MAST4: variants seen among roughly 807,000 people sequenced by gnomAD.
MAST4 encodes the protein microtubule associated serine/threonine kinase family member 4, also known as microtubule-associated serine/threonine-protein kinase 4.
Under a neutral mutation model 162.7 loss-of-function variants are expected in MAST4, and 89 were observed. The ratio of observed to expected loss-of-function variants is 0.55; its 90% CI spans 0.46 to 0.65. MAST4 has a LOEUF of 0.65. Among genes scored for constraint, MAST4 ranks in the 30% least tolerant of loss-of-function variants. The pLI is 0.00. For synonymous variants in MAST4, 1,479 were observed against 1,361.1 expected (o/e 1.09, Z -1.91); for missense variants, 3,153 against 3,374.0 (o/e 0.93, Z 1.62).
chr5:67,083,608 T>G (rs1762906730), intron 5 of MAST4, among the ~76,000 whole-genome samples: 1 of 152,180 alleles, frequency 6.6e-6, no homozygotes, highest in Non-Finnish European at 1.5e-5. Context: ...ATTAAATCCC[T>G]TCATGTAAGA....
chr5:66,779,333 T>C (rs181501173), intron 2 of MAST4, among the ~76,000 whole-genome samples: 11 of 152,252 alleles, frequency 7.2e-5, no homozygotes, highest in African/African-American at 2.6e-4. Context: ...AGTGATGTCT[T>C]TGAGCACTTA....
chr5:66,762,317 A>G (rs559419009), intron 2 of MAST4, among the ~76,000 whole-genome samples: 2 of 152,330 alleles, frequency 1.3e-5, no homozygotes, highest in East Asian at 1.9e-4. Flanking sequence ...TGAAAATTAT[A>G]TTAGAATATG....
intron 4 of MAST4, among the ~76,000 whole-genome samples, chr5:67,035,860 T>C (rs1755959524): frequency 2.6e-5 from 4 of 152,158 alleles, no homozygotes; most frequent in Admixed American, 1.3e-4. Context: ...AAATCGTGTC[T>C]AGGGTACTTA....
At position 66,651,393 on chromosome 5, in the gene MAST4, A is replaced by G. The variant is rs527533486; in HGVS notation, c.363+54375A>G. 3.3e-5 allele frequency among the ~76,000 whole-genome samples: 5 copies of G among 152,020 alleles called. No homozygotes were observed. The South Asian group carries it at 8.3e-4, about 25-fold the overall frequency. ...CCTGAGGACCTTCGTCTGATATTAT[A>G]TACTCAGTCTTTTTCTCCCATGTGT... On this transcript the variant is annotated intron_variant, in intron 1 of 28. Transcript: ENST00000403625.
intron 14 of MAST4, among the ~76,000 whole-genome samples, chr5:67,123,209 A>C (rs912663253): frequency 6.6e-6 from 1 of 152,162 alleles, no homozygotes; most frequent in Non-Finnish European, 1.5e-5. Context: ...AGAGACACCA[A>C]TTCCATGACT....
chr5:67,101,522 T>C (rs955586556), intron 8 of MAST4, among the ~76,000 whole-genome samples: 3 of 152,312 alleles, frequency 2.0e-5, no homozygotes, highest in African/African-American at 7.2e-5. Flanking sequence ...GGATAGGGCA[T>C]CACTTATCCG....
chr5:66,705,060 A>G (rs1346000884), intron 1 of MAST4, among the ~76,000 whole-genome samples: 5 of 152,162 alleles, frequency 3.3e-5, no homozygotes, highest in Non-Finnish European at 5.9e-5. Flanking sequence ...ACAGTCATCC[A>G]TAGTTCCTCT....
At chr5:66,815,498 A>G (rs1177767643) in intron 3 of MAST4, among the ~76,000 whole-genome samples, 2 of 152,218 alleles carry the variant, frequency 1.3e-5, no homozygotes, top group South Asian at 2.1e-4. Context: ...AAAAAACAGT[A>G]TATATGGGGC....
In MAST4 at chr5:67,131,802, C is replaced by A. The variant is rs1398597057; in HGVS notation, c.1955-11C>A. On this transcript the variant is annotated splice_polypyrimidine_tract_variant and intron_variant, in intron 15 of 28. Transcript: ENST00000403625. ...ATCCTATAGCTACTAACTCTTTTTC[C>A]TGTGTTACAGGGGGAGACTGTGCTA... is the stretch of plus-strand genomic sequence containing the variant. 1.2e-6 allele frequency: 2 copies of A among 1,608,986 alleles called. No individual in the cohort carries two copies. The highest frequency in any genetic ancestry group is 2.2e-5 in the East Asian group (1 of 44,812).
intron 3 of MAST4, among the ~76,000 whole-genome samples, chr5:66,829,494 G>A (rs1757456021): frequency 6.6e-6 from 1 of 152,110 alleles, no homozygotes; most frequent in Admixed American, 6.5e-5. Flanking sequence ...TACATTCTGA[G>A]TTAAAACTTG....
At chr5:66,968,572 A>G (rs1264798342) in intron 4 of MAST4, among the ~76,000 whole-genome samples, 3 of 152,210 alleles carry the variant, frequency 2.0e-5, no homozygotes, top group Non-Finnish European at 2.9e-5. Flanking sequence ...AGTTCCTGAC[A>G]TACGTAGAAG....
chr5:66,598,631 A>T (rs1016841508), intron 1 of MAST4, among the ~76,000 whole-genome samples: 8 of 152,146 alleles, frequency 5.3e-5, no homozygotes, highest in African/African-American at 1.9e-4. Context: ...TTCTGCCTCC[A>T]CTTCTACAGA....
At chr5:66,825,857 A>G (rs1757228620) in intron 3 of MAST4, among the ~76,000 whole-genome samples, 1 of 152,228 alleles carries the variant, frequency 6.6e-6, no homozygotes, top group Non-Finnish European at 1.5e-5. Context: ...TGTAAAAGCA[A>G]TACATATTGA....
chr5:66,737,725 A>G (rs1383147162), intron 1 of MAST4, among the ~76,000 whole-genome samples: 3 of 152,192 alleles, frequency 2.0e-5, no homozygotes, highest in Non-Finnish European at 4.4e-5. Flanking sequence ...ATACCTCTAC[A>G]AGACAAGCCT....
rs1327884052 is a variant in MAST4, at chr5:67,168,810, A to C, written c.*1759A>C. 1.3e-5 allele frequency: 2 copies of C among 152,190 alleles called. No homozygotes were observed. Among genetic ancestry groups the C allele is most frequent in the African/African-American group, 2.4e-5 (1 of 41,428 alleles). 9.4% of individuals were successfully genotyped at this position (152,190 alleles called of 1,614,324 possible). A position where few individuals can be genotyped will look rare whatever the true frequency, so the allele number is the denominator to read the frequency against. ...TTGTAAATCTTCTAGTGAGGCTATA[A>C]ACTCCACTCTGAAAACAAAGGCATA... On this transcript the variant is annotated 3_prime_UTR_variant, in exon 29 of 29. Coordinates refer to ENST00000403625, the MANE Select transcript of MAST4 (RefSeq NM_001164664.2).
At chr5:66,700,796 T>TACACACACAC (rs1198448659) in intron 1 of MAST4, among the ~76,000 whole-genome samples, 1 of 116,774 alleles carries the variant, frequency 8.6e-6, no homozygotes, top group African/African-American at 3.3e-5. Context: ...TATATATATA[T>TACACACACAC]ATATACACAC....
At chr5:66,875,317 T>A in intron 3 of MAST4, among the ~76,000 whole-genome samples, 1 of 152,238 alleles carries the variant, frequency 6.6e-6, no homozygotes, top group East Asian at 1.9e-4. Flanking sequence ...TCAGGGATGA[T>A]AAATTTCTAA....
chr5:66,785,771 A>C (rs532323058), intron 2 of MAST4, among the ~76,000 whole-genome samples: 1 of 152,234 alleles, frequency 6.6e-6, no homozygotes, highest in Non-Finnish European at 1.5e-5. Context: ...GCCAGGCCCT[A>C]TAACAGGTAC....
intron 4 of MAST4, among the ~76,000 whole-genome samples, chr5:67,027,639 C>G (rs1409879098): frequency 6.6e-6 from 1 of 152,126 alleles, no homozygotes; most frequent in Non-Finnish European, 1.5e-5. Context: ...AAGAATAAGC[C>G]TTTTCACCAT....
Sources: gnomAD v4.1 joint callset for allele counts (sites outside exome capture counted in the v4.1 genomes callset) on GRCh38, gnomAD v4.1.1 for gene constraint, MANE v1.5 for transcripts, NCBI Gene and HGNC (gene_info 2026-07-23, HGNC 2026-07-21) for gene names.